Variants in KIR3DL2 observed in about 807,000 individuals in gnomAD.
KIR3DL2 encodes the protein killer cell immunoglobulin-like receptor 3DL2.
A neutral mutation model predicts 41.6 loss-of-function variants in KIR3DL2; 42 were observed. That is an observed-to-expected ratio of 1.01 (90% CI 0.79 to 1.31). The LOEUF is 1.31. Ranked by LOEUF, KIR3DL2 falls within the 50% of genes most tolerant of loss-of-function variation. The pLI, the probability that KIR3DL2 is intolerant of heterozygous loss-of-function variation, is 0.00. For synonymous variants in KIR3DL2, 230 were observed against 221.3 expected (o/e 1.04, Z -0.35); for missense variants, 728 against 576.8 (o/e 1.26, Z -2.68).
chr19:54,854,902 G>A (rs2064612681), intron 4 of KIR3DL2, among the ~76,000 whole-genome samples: 1 of 151,728 alleles, frequency 6.6e-6, no homozygotes. Flanking sequence ...TAGAGAGACT[G>A]AGAGGCAGAG....
chr19:54,852,286 A>T lies in KIR3DL2; in HGVS notation c.355+4A>T, dbSNP rs1210078687. 39 of 1,605,208 alleles carry T rather than the reference A, an allele frequency of 2.4e-5. No individual in the cohort carries two copies. In the South Asian group the frequency reaches 4.0e-4, roughly 16 times the overall value. Reference sequence around the variant, plus strand: ...CCCCTGGTGATCATGGTCACAGGTCAGAGGCTTTCTGTCTGGGCTTCTCAC... The same window carrying T: ...CCCCTGGTGATCATGGTCACAGGTCTGAGGCTTTCTGTCTGGGCTTCTCAC... On this transcript the variant is annotated splice_donor_region_variant and intron_variant, in intron 3 of 8. Coordinates refer to ENST00000326321, the MANE Select transcript of KIR3DL2 (RefSeq NM_006737.4).
chr19:54,856,186 G>A (rs898834655), intron 5 of KIR3DL2, among the ~76,000 whole-genome samples: 9 of 151,544 alleles, frequency 5.9e-5, no homozygotes, highest in South Asian at 2.1e-4. Context: ...CTCAGTTTGG[G>A]GAGATCAGAG....
intron 5 of KIR3DL2, among the ~76,000 whole-genome samples, chr19:54,857,965 G>A (rs2064912918): frequency 6.6e-6 from 1 of 151,790 alleles, no homozygotes; most frequent in East Asian, 1.9e-4. Flanking sequence ...TGTTTGTGGA[G>A]AAATGTCTCC....
At chr19:54,857,700 T>A (rs2064892548) in intron 5 of KIR3DL2, among the ~76,000 whole-genome samples, 1 of 151,682 alleles carries the variant, frequency 6.6e-6, no homozygotes, top group South Asian at 2.1e-4. Context: ...TACAGGCATG[T>A]GCCACCACGC....
intron 2 of KIR3DL2, among the ~76,000 whole-genome samples, chr19:54,851,569 C>T (rs1158511488): frequency 6.6e-6 from 1 of 151,326 alleles, no homozygotes; most frequent in Non-Finnish European, 1.5e-5. Context: ...TAACTGACAC[C>T]CTCCAGCGTT....
At chr19:54,860,940 G>C (rs1288837480) in intron 6 of KIR3DL2, among the ~76,000 whole-genome samples, 6 of 137,854 alleles carry the variant, frequency 4.4e-5, no homozygotes, top group Non-Finnish European at 6.3e-5. Flanking sequence ...AGAGCACACT[G>C]GGTACACAGG....
chr19:54,851,195 C>G (rs2064198023), intron 1 of KIR3DL2, 25 bp from the exon 2 acceptor site: 5 of 1,609,056 alleles, frequency 3.1e-6, no homozygotes, highest in Middle Eastern at 1.7e-4. Context: ...GCAGTTGGAT[C>G]GTCTATCATG....
Position 54,854,034 on chromosome 19 carries a change from A to G in KIR3DL2, c.643A>G (p.Ile215Val). ...GTCAGCTCCCAGTGACCCCCTGGACATCGTGATCACAGGTGAGAGTGTCCA... is the reference window on the plus strand; with the variant it reads ...GTCAGCTCCCAGTGACCCCCTGGACGTCGTGATCACAGGTGAGAGTGTCCA... ...QLSAPSDPLD[I>V]VITGLYEKPS... Residue 215 changes from isoleucine (I) to valine (V), a missense_variant, in exon 4 of 9, where the codon ATC (isoleucine) becomes GTC (valine). By Grantham distance (29) the Ile-to-Val change is conservative. Coordinates refer to ENST00000326321, the MANE Select transcript of KIR3DL2 (RefSeq NM_006737.4). 3 of 1,612,812 alleles carry G rather than the reference A, an allele frequency of 1.9e-6. No individual in the cohort carries two copies. The highest frequency in any genetic ancestry group is 2.2e-5 in the South Asian group (2 of 91,068).
At chr19:54,855,152 G>C (rs1340488098) in intron 4 of KIR3DL2, among the ~76,000 whole-genome samples, 1 of 150,424 alleles carries the variant, frequency 6.6e-6, no homozygotes, top group African/African-American at 2.5e-5. Flanking sequence ...GAGAGAGAGA[G>C]AGATGATACA....
In KIR3DL2 at chr19:54,853,776, C is replaced by T. The variant is rs1428815086; in HGVS notation, c.385C>T (p.His129Tyr). 6.2e-7 allele frequency: 1 copy of T among 1,611,200 alleles called. No homozygotes were observed. Among genetic ancestry groups the T allele is most frequent in the South Asian group, 1.1e-5 (1 of 91,076 alleles). The part of the protein sequence containing the change: ...GNHRKPSLLA[H>Y]PGPLLKSGET... Reference sequence around the variant, plus strand: ...CCACAGAAAACCTTCCCTCCTGGCCCACCCAGGGCCCCTGCTGAAATCAGG... The same window carrying T: ...CCACAGAAAACCTTCCCTCCTGGCCTACCCAGGGCCCCTGCTGAAATCAGG... The change falls in exon 4 of 9, where the codon CAC (histidine) becomes TAC (tyrosine). Residue 129 changes from histidine (H) to tyrosine (Y), a missense_variant. His to Tyr is a moderately conservative substitution (Grantham distance 83). Coordinates refer to ENST00000326321, the MANE Select transcript of KIR3DL2 (RefSeq NM_006737.4).
At chr19:54,853,483 G>C (rs1427573926) in intron 3 of KIR3DL2, among the ~76,000 whole-genome samples, 1 of 151,742 alleles carries the variant, frequency 6.6e-6, no homozygotes, top group Non-Finnish European at 1.5e-5. Context: ...GAGACTAGTG[G>C]GAAAGAGATA....
intron 1 of KIR3DL2, 126 bp downstream of exon 1, chr19:54,850,635 T>A: frequency 1.4e-6 from 2 of 1,393,082 alleles, no homozygotes; most frequent in East Asian, 2.4e-5. Context: ...TGTGGAGATA[T>A]GGGCCTGGAG....
At chr19:54,855,953 G>C (rs758723122) in intron 5 of KIR3DL2, 41 bp downstream of exon 5, 1 of 1,604,610 alleles carries the variant, frequency 6.2e-7, no homozygotes, top group Non-Finnish European at 8.5e-7. Context: ...TATGATCCTA[G>C]AGCCATAGCT....
In KIR3DL2 at chr19:54,859,143, C is replaced by G; in HGVS notation, c.1000+14C>G. On this transcript the variant is annotated intron_variant, in intron 6 of 8. Transcript: ENST00000326321. ...GCTCCAAATCTGGTGAGTAAAGGACCCCTCTTATCTCTGCTTTTGGAAACC... is the reference window on the plus strand; with the variant it reads ...GCTCCAAATCTGGTGAGTAAAGGACGCCTCTTATCTCTGCTTTTGGAAACC... 6.2e-7 allele frequency: 1 copy of G among 1,608,084 alleles called. No individual in the cohort carries two copies. The highest frequency in any genetic ancestry group is 8.5e-7 in the Non-Finnish European group (1 of 1,174,916).
In KIR3DL2 at chr19:54,853,638, G is replaced by A. The variant is rs1284920247; in HGVS notation, c.356-109G>A. The A allele has an allele frequency of 4.7e-6, 6 of 1,280,836 alleles. No homozygotes were observed. In the South Asian group the frequency reaches 6.1e-5, roughly 13 times the overall value. 79.3% of individuals were successfully genotyped at this position (1,280,836 alleles called of 1,614,324 possible). ...CACAGAAAAGACACGGAGACACAGA[G>A]AGGGAGGAGAGAGACAGACCTCTGG... On this transcript the variant is annotated intron_variant, in intron 3 of 8. Coordinates refer to ENST00000326321, the MANE Select transcript of KIR3DL2 (RefSeq NM_006737.4).
chr19:54,858,770 T>G (rs569442862), intron 5 of KIR3DL2, among the ~76,000 whole-genome samples: 6 of 152,112 alleles, frequency 3.9e-5, no homozygotes, highest in African/African-American at 1.4e-4. Flanking sequence ...GCATGGATTA[T>G]ATCTGTGTTC....
chr19:54,861,572 C>T (rs1280050458), intron 6 of KIR3DL2, among the ~76,000 whole-genome samples: 1 of 151,476 alleles, frequency 6.6e-6, no homozygotes, highest in African/African-American at 2.4e-5. Context: ...TGACTTCAGC[C>T]CTGGAGGCAG....
chr19:54,852,297 G>C lies in KIR3DL2; in HGVS notation c.355+15G>C, dbSNP rs1283389318. ...CATGGTCACAGGTCAGAGGCTTTCT[G>C]TCTGGGCTTCTCACTGTCCCACCTC... On this transcript the variant is annotated intron_variant, in intron 3 of 8. Transcript: ENST00000326321. The C allele has an allele frequency of 2.5e-6, 4 of 1,601,888 alleles. No homozygotes were observed. Among genetic ancestry groups the C allele is most frequent in the Middle Eastern group, 1.7e-4 (1 of 5,748 alleles).
chr19:54,867,033 A>G lies in KIR3DL2; in HGVS notation c.*302A>G. The G allele has an allele frequency of 4.3e-6, 2 of 467,842 alleles. 1 individual carries two copies. The highest frequency in any genetic ancestry group is 7.6e-6 in the Non-Finnish European group (2 of 262,644). 29.0% of individuals were successfully genotyped at this position (467,842 alleles called of 1,614,324 possible). A position where few individuals can be genotyped will look rare whatever the true frequency, so the allele number is the denominator to read the frequency against. Reference sequence around the variant, plus strand: ...CACTGAGGAACTCACAATTCCAAACATACAAGAGGCTCCCTCTTAACACGG... The same window carrying G: ...CACTGAGGAACTCACAATTCCAAACGTACAAGAGGCTCCCTCTTAACACGG... On this transcript the variant is annotated 3_prime_UTR_variant, in exon 9 of 9. Transcript: ENST00000326321.
Sources: gnomAD v4.1 joint callset for allele counts (sites outside exome capture counted in the v4.1 genomes callset) on GRCh38, gnomAD v4.1.1 for gene constraint, MANE v1.5 for transcripts, NCBI Gene and HGNC (gene_info 2026-07-23, HGNC 2026-07-21) for gene names.